The following MTPAP variants were observed in gnomAD, a reference collection of about 807,000 sequenced individuals.
MTPAP encodes the protein poly(A) RNA polymerase, mitochondrial.
A neutral mutation model predicts 48.7 loss-of-function variants in MTPAP; 23 were observed. That is an observed-to-expected ratio of 0.47 (90% CI 0.34 to 0.67). The LOEUF (loss-of-function observed/expected upper bound fraction) is 0.67, where lower values mean the gene tolerates loss of function less well. Among genes scored for constraint, MTPAP ranks in the 30% least tolerant of loss-of-function variants. MTPAP has a pLI of 0.01. For synonymous variants in MTPAP, 257 were observed against 254.1 expected (o/e 1.01, Z -0.11); for missense variants, 614 against 694.3 (o/e 0.88, Z 1.30).
At chr10:30,337,462 G>A (rs1392644603) in intron 3 of MTPAP, among the ~76,000 whole-genome samples, 2 of 152,104 alleles carry the variant, frequency 1.3e-5, no homozygotes, top group African/African-American at 4.8e-5. Context: ...GAGAAGGCCA[G>A]GCGCGGTGGC....
chr10:30,321,893 C>T (rs1260158163), intron 6 of MTPAP, among the ~76,000 whole-genome samples: 1 of 152,166 alleles, frequency 6.6e-6, no homozygotes, highest in Non-Finnish European at 1.5e-5. Context: ...TTTATAAAAT[C>T]ATTTATAATA....
Position 30,338,270 on chromosome 10 carries a change from G to GTAACA in MTPAP, c.556-1248_556-1244dup, listed in dbSNP as rs542910386. ...GCAAGACTCCACCTCAAAAAATAAC[G>GTAACA]TAACATAACATAACATAACAACATA... On this transcript the variant is annotated intron_variant, in intron 3 of 8. Transcript: ENST00000263063. Among the ~76,000 whole-genome samples the GTAACA allele has an allele frequency of 2.4e-4, 36 of 149,030 alleles. No homozygotes were observed. In the East Asian group the frequency reaches 6.5e-3, roughly 27 times the overall value.
chr10:30,319,501 T>C (rs1488705667), intron 6 of MTPAP, among the ~76,000 whole-genome samples: 2 of 152,220 alleles, frequency 1.3e-5, no homozygotes, highest in East Asian at 3.8e-4. Flanking sequence ...GTACTCAATA[T>C]GGTTTTGATT....
intron 6 of MTPAP, among the ~76,000 whole-genome samples, chr10:30,318,165 T>C (rs966412315): frequency 7.9e-5 from 12 of 152,156 alleles, no homozygotes; most frequent in African/African-American, 2.2e-4. Flanking sequence ...GGCCCTGATA[T>C]TTGACTTTAA....
intron 4 of MTPAP, among the ~76,000 whole-genome samples, chr10:30,334,489 C>T (rs1349363373): frequency 6.6e-6 from 1 of 151,762 alleles, no homozygotes; most frequent in African/African-American, 2.4e-5. Context: ...GGCGAAATCC[C>T]ATCTCTATTA....
At chr10:30,341,332 C>A in intron 2 of MTPAP, 136 bp downstream of exon 2, 1 of 1,121,462 alleles carries the variant, frequency 8.9e-7, no homozygotes, top group Non-Finnish European at 1.2e-6. Flanking sequence ...TTAAAGAAAT[C>A]TAGATAAAGA....
intron 1 of MTPAP, 40 bp from the exon 2 acceptor site, chr10:30,341,680 C>T (rs1388923212): frequency 2.5e-6 from 4 of 1,608,174 alleles, no homozygotes; most frequent in Non-Finnish European, 3.4e-6. Flanking sequence ...CACGCACACA[C>T]ACAAAATTTT....
intron 3 of MTPAP, among the ~76,000 whole-genome samples, chr10:30,339,496 AAAAGAG>A (rs1462499946): frequency 7.9e-5 from 12 of 152,134 alleles, no homozygotes; most frequent in Admixed American, 6.6e-4. Context: ...AAAAAAAAAA[AAAAGAG>A]AGAGAGAATC....
chr10:30,324,568 T>C (rs1338542937), intron 5 of MTPAP, among the ~76,000 whole-genome samples: 1 of 151,614 alleles, frequency 6.6e-6, no homozygotes, highest in African/African-American at 2.4e-5. Context: ...AAAGTAAAAA[T>C]AGAATTAAAT....
At chr10:30,324,403 A>T (rs1167499526) in intron 5 of MTPAP, among the ~76,000 whole-genome samples, 2 of 152,012 alleles carry the variant, frequency 1.3e-5, no homozygotes, top group Non-Finnish European at 2.9e-5. Context: ...TTAATTAAAA[A>T]AATAGTCAGG....
chr10:30,327,245 T>C (rs1011744064), intron 4 of MTPAP, among the ~76,000 whole-genome samples: 10 of 151,446 alleles, frequency 6.6e-5, no homozygotes, highest in African/African-American at 2.4e-4. Context: ...CCTAGCACTT[T>C]GGGAGGCCAA....
In MTPAP at chr10:30,322,631, A is replaced by T; in HGVS notation, c.993-14T>A. 11 of 1,570,970 alleles carry T rather than the reference A, an allele frequency of 7.0e-6. No individual in the cohort carries two copies. The highest frequency in any genetic ancestry group is 8.7e-6 in the Non-Finnish European group (10 of 1,147,638). On this transcript the variant is annotated splice_polypyrimidine_tract_variant and intron_variant, in intron 5 of 8. Coordinates refer to ENST00000263063, the MANE Select transcript of MTPAP (RefSeq NM_018109.4). ...GTCAAGGCAATCCTTCAAAAAATAA[A>T]AATAAGAAAAATGTTCAAATCCCCA...
chr10:30,332,127 G>A (rs756273938), intron 4 of MTPAP, among the ~76,000 whole-genome samples: 6 of 152,208 alleles, frequency 3.9e-5, no homozygotes, highest in Non-Finnish European at 8.8e-5. Context: ...TCTGATGAAT[G>A]TAAGAGTACT....
rs531951108 is a variant in MTPAP at position 30,325,838 on chromosome 10, C to T, written c.992+586G>A. Among the ~76,000 whole-genome samples the T allele has an allele frequency of 2.6e-5, 4 of 151,888 alleles. 1 individual carries two copies. The highest frequency in any genetic ancestry group is 4.8e-5 in the African/African-American group (2 of 41,340). On this transcript the variant is annotated intron_variant, in intron 5 of 8. Transcript: ENST00000263063. ...CATCAGTACAAAAGAACTTTTCCCA[C>T]CCCACTTTTTTAAGCAAACAAATCA...
chr10:30,316,048 T>C lies in MTPAP; in HGVS notation c.1313-12A>G, dbSNP rs1009041686. The C allele has an allele frequency of 6.2e-7, 1 of 1,611,588 alleles. No individual in the cohort carries two copies. On this transcript the variant is annotated splice_polypyrimidine_tract_variant and intron_variant, in intron 7 of 8. Transcript: ENST00000263063. ...CTTCAGTAGTAATTCTGTAAGAAAATAAAACAAGGACAATCAGAGGAAAGC... is the reference window on the plus strand; with the variant it reads ...CTTCAGTAGTAATTCTGTAAGAAAACAAAACAAGGACAATCAGAGGAAAGC...
chr10:30,326,316 A>G (rs1409127418), intron 5 of MTPAP, 108 bp downstream of exon 5: 1 of 1,023,966 alleles, frequency 9.8e-7, no homozygotes, highest in East Asian at 2.6e-5. Flanking sequence ...TTAAAAAATT[A>G]TTATTCAAGC....
chr10:30,341,682 C>A (rs374940267), intron 1 of MTPAP, 42 bp from the exon 2 acceptor site: 3 of 1,607,032 alleles, frequency 1.9e-6, no homozygotes, highest in Admixed American at 1.7e-5. Flanking sequence ...CGCACACACA[C>A]AAAATTTTAA....
intron 2 of MTPAP, among the ~76,000 whole-genome samples, chr10:30,340,958 G>A (rs1363368453): frequency 1.3e-5 from 2 of 151,842 alleles, no homozygotes; most frequent in Admixed American, 6.6e-5. Context: ...TGTTAGTTAA[G>A]AGAAGCTGAA....
rs771597303 is a variant in MTPAP, at chr10:30,313,565, C to G, written c.*44G>C. On this transcript the variant is annotated 3_prime_UTR_variant, in exon 9 of 9. Coordinates refer to ENST00000263063, the MANE Select transcript of MTPAP (RefSeq NM_018109.4). ...AGTTTTTCCAAGTAAGTCCACAGAC[C>G]ATTTGATAGGCTAAGCCCAGTTCTT... 7.4e-6 allele frequency: 12 copies of G among 1,612,690 alleles called. No homozygotes were observed. In the Admixed American group the frequency reaches 2.0e-4, roughly 27 times the overall value.
Sources: allele counts gnomAD v4.1 joint callset (sites outside exome capture counted in the v4.1 genomes callset), GRCh38; gene constraint gnomAD v4.1.1; transcripts MANE v1.5; gene names NCBI Gene and HGNC (gene_info 2026-07-23, HGNC 2026-07-21).